The following TIGIT variants were observed in gnomAD, a reference collection of about 807,000 sequenced individuals.
TIGIT encodes the protein T-cell immunoreceptor with Ig and ITIM domains.
TIGIT carries 11 observed loss-of-function variants against 19.6 expected under a neutral mutation model. The observed-to-expected ratio is 0.56, with a 90% CI of 0.35 to 0.93. The LOEUF (loss-of-function observed/expected upper bound fraction) is 0.93. Ranked by LOEUF, TIGIT falls within the 40% of genes least tolerant of loss-of-function variation. The probability of loss-of-function intolerance (pLI) is 0.01; values close to 1 mark genes in which losing one functional copy is unlikely to be tolerated. For missense variants in TIGIT, 295 were observed against 303.9 expected (o/e 0.97, Z 0.22); for synonymous variants, 130 against 125.5 (o/e 1.04, Z -0.24).
chr3:114,307,835 T>A (rs1346172157), intron 3 of TIGIT, 60 bp from the exon 4 acceptor site: 2 of 1,463,180 alleles, frequency 1.4e-6, no homozygotes, highest in Non-Finnish European at 1.9e-6. Flanking sequence ...GATGTCATAT[T>A]GGGGATTAAC....
intron 2 of TIGIT, among the ~76,000 whole-genome samples, chr3:114,297,706 C>G (rs969697258): frequency 7.9e-5 from 12 of 152,178 alleles, no homozygotes; most frequent in African/African-American, 2.9e-4. Context: ...ACACTCCTCC[C>G]CAAGACCACA....
At position 114,308,250 on chromosome 3, in the gene TIGIT, T is replaced by C. The variant is rs2078549379; in HGVS notation, c.*119T>C. 1.3e-6 allele frequency: 1 copy of C among 752,582 alleles called. No individual in the cohort carries two copies. Among genetic ancestry groups the C allele is most frequent in the African/African-American group, 1.7e-5 (1 of 57,352 alleles). 46.6% of individuals were successfully genotyped at this position (752,582 alleles called of 1,614,324 possible). A position where few individuals can be genotyped will look rare whatever the true frequency, so the allele number is the denominator to read the frequency against. On this transcript the variant is annotated 3_prime_UTR_variant, in exon 4 of 4. Transcript: ENST00000383671. ...GTGTGTGTGTGTATGTGTGTGTGTG[T>C]TCAGTTGAGTGAATAAATGTCATCC...
intron 3 of TIGIT, among the ~76,000 whole-genome samples, chr3:114,306,329 A>C (rs1267629564): frequency 6.6e-6 from 1 of 152,156 alleles, no homozygotes; most frequent in Non-Finnish European, 1.5e-5. Context: ...TCCTTTGGAA[A>C]CACCCTCACA....
At chr3:114,298,910 G>T (rs1419700517) in intron 2 of TIGIT, among the ~76,000 whole-genome samples, 7 of 152,118 alleles carry the variant, frequency 4.6e-5, no homozygotes, top group African/African-American at 1.2e-4. Context: ...CATTCTTCTT[G>T]GGTCAGATCT....
Position 114,299,710 on chromosome 3 carries a change from G to A in TIGIT, c.498+7G>A. 2 of 1,595,324 alleles carry A rather than the reference G, an allele frequency of 1.3e-6. No homozygotes were observed. Among genetic ancestry groups the A allele is most frequent in the Non-Finnish European group, 1.7e-6 (2 of 1,165,780 alleles). On this transcript the variant is annotated splice_region_variant and intron_variant, in intron 3 of 3. Coordinates refer to ENST00000383671, the MANE Select transcript of TIGIT (RefSeq NM_173799.4). ...GGTCGCGTTGACTAGAAAGGTAATG[G>A]CTCCGGCTGCACACCGCAGTCATGG...
chr3:114,299,779 C>T (rs568117074), intron 3 of TIGIT, 76 bp downstream of exon 3: 221 of 936,342 alleles, frequency 2.4e-4, no homozygotes, highest in Non-Finnish European at 3.5e-4. Flanking sequence ...GTTCTCTTTC[C>T]ACCCAGAGAG....
At chr3:114,300,575 G>T (rs998637257) in intron 3 of TIGIT, among the ~76,000 whole-genome samples, 1 of 152,074 alleles carries the variant, frequency 6.6e-6, no homozygotes, top group African/African-American at 2.4e-5. Context: ...ATATAAAATG[G>T]GGATTTGTCT....
At position 114,295,604 on chromosome 3, in the gene TIGIT, A is replaced by G. The variant is rs1192629675; in HGVS notation, c.121A>G (p.Ile41Val). 1 of 1,614,212 alleles carries G rather than the reference A, an allele frequency of 6.2e-7. No homozygotes were observed. The highest frequency in any genetic ancestry group is 1.7e-5 in the Admixed American group (1 of 60,030). ...GNISAEKGGS[I>V]ILQCHLSSTT... The stretch of plus-strand genomic sequence containing the variant: ...CATTTCTGCAGAGAAAGGTGGCTCT[A>G]TCATCTTACAATGTCACCTCTCCTC... Residue 41 changes from isoleucine to valine, a missense_variant, in exon 2 of 4, where the codon ATC (isoleucine) becomes GTC (valine). Ile to Val is a conservative substitution (Grantham distance 29). Coordinates refer to ENST00000383671, the MANE Select transcript of TIGIT (RefSeq NM_173799.4).
At chr3:114,304,249 T>C (rs1166248358) in intron 3 of TIGIT, among the ~76,000 whole-genome samples, 2 of 152,228 alleles carry the variant, frequency 1.3e-5, no homozygotes, top group African/African-American at 4.8e-5. Flanking sequence ...ATATTACTTT[T>C]TAAAACTATT....
intron 2 of TIGIT, among the ~76,000 whole-genome samples, chr3:114,296,998 G>A (rs751911688): frequency 2.0e-4 from 29 of 148,288 alleles, no homozygotes; most frequent in Non-Finnish European, 2.8e-4. Context: ...GAGTTCAAGC[G>A]ATTCTCTCCT....
intron 2 of TIGIT, among the ~76,000 whole-genome samples, chr3:114,298,218 T>C (rs1320742378): frequency 6.6e-6 from 1 of 152,238 alleles, no homozygotes; most frequent in Non-Finnish European, 1.5e-5. Flanking sequence ...AAGACCTTGA[T>C]ATCTTTGTTC....
At chr3:114,295,515 G>T in intron 1 of TIGIT, 30 bp from the exon 2 acceptor site, 2 of 1,577,514 alleles carry the variant, frequency 1.3e-6, no homozygotes, top group South Asian at 1.2e-5. Context: ...GCTGACCCAG[G>T]ACTCACATGT....
At position 114,299,607 on chromosome 3, in the gene TIGIT, C is replaced by T. The variant is rs778828718; in HGVS notation, c.402C>T (p.His134=). Residue 134 remains histidine (H), a synonymous_variant, in exon 3 of 4, where the codon CAC becomes CAT. Coordinates refer to ENST00000383671, the MANE Select transcript of TIGIT (RefSeq NM_173799.4). The part of the protein sequence containing the change: ...LEVLESSVAE[H]GARFQIPLLG... ...TTGTCCTCCCTCTAGTGGCTGAGCA[C>T]GGTGCCAGGTTCCAGATTCCATTGC... The T allele has an allele frequency of 1.2e-5, 20 of 1,612,882 alleles. No individual in the cohort carries two copies. Among genetic ancestry groups the T allele is most frequent in the East Asian group, 8.9e-5 (4 of 44,878 alleles).
At chr3:114,301,480 G>C (rs151133497) in intron 3 of TIGIT, among the ~76,000 whole-genome samples, 7 of 152,240 alleles carry the variant, frequency 4.6e-5, no homozygotes, top group African/African-American at 1.4e-4. Flanking sequence ...AGGTGAAGAA[G>C]ATGAAAGTTG....
intron 3 of TIGIT, among the ~76,000 whole-genome samples, chr3:114,303,916 C>T (rs1359272589): frequency 2.0e-5 from 3 of 151,822 alleles, no homozygotes; most frequent in African/African-American, 4.9e-5. Flanking sequence ...ACATCCATGC[C>T]AACATGGGTT....
At position 114,295,762 on chromosome 3, in the gene TIGIT, C is replaced by T. The variant is rs1188076656; in HGVS notation, c.279C>T (p.Leu93=). Residue 93 remains leucine, a synonymous_variant, in exon 2 of 4, where the codon CTC becomes CTT. Coordinates refer to ENST00000383671, the MANE Select transcript of TIGIT (RefSeq NM_173799.4). The part of the protein sequence containing the change: ...DRVAPGPGLG[L]TLQSLTVNDT... ...TGGCCCCAGGTCCCGGCCTGGGCCT[C>T]ACCCTCCAGTCGCTGACCGTGAACG... 1.9e-6 allele frequency: 3 copies of T among 1,614,094 alleles called. No individual in the cohort carries two copies. The highest frequency in any genetic ancestry group is 2.5e-6 in the Non-Finnish European group (3 of 1,180,056).
In TIGIT at chr3:114,308,328, T is replaced by C. The variant is rs969867219; in HGVS notation, c.*197T>C. On this transcript the variant is annotated 3_prime_UTR_variant, in exon 4 of 4. Coordinates refer to ENST00000383671, the MANE Select transcript of TIGIT (RefSeq NM_173799.4). ...TTTCGTTCTATTCCATTTTGCATTA[T>C]GGCAGGCCTAGGGTGAGTAACGTGG... The C allele has an allele frequency of 1.8e-6, 1 of 568,290 alleles. No individual in the cohort carries two copies. The highest frequency in any genetic ancestry group is 3.1e-6 in the Non-Finnish European group (1 of 320,244). 35.2% of individuals were successfully genotyped at this position (568,290 alleles called of 1,614,324 possible). A position where few individuals can be genotyped will look rare whatever the true frequency, so the allele number is the denominator to read the frequency against.
Position 114,299,585 on chromosome 3 carries a change from T to C in TIGIT, c.392-12T>C. 1.2e-6 allele frequency: 2 copies of C among 1,604,302 alleles called. No individual in the cohort carries two copies. The highest frequency in any genetic ancestry group is 2.2e-5 in the South Asian group (2 of 90,892). On this transcript the variant is annotated splice_polypyrimidine_tract_variant and intron_variant, in intron 2 of 3. Coordinates refer to ENST00000383671, the MANE Select transcript of TIGIT (RefSeq NM_173799.4). Reference sequence around the variant, plus strand: ...GCTTCTGCCACTCATCTCTGTTTTGTCCTCCCTCTAGTGGCTGAGCACGGT... The same window carrying C: ...GCTTCTGCCACTCATCTCTGTTTTGCCCTCCCTCTAGTGGCTGAGCACGGT...
In TIGIT at chr3:114,308,218, C is replaced by CATGT; in HGVS notation, c.*87_*88insATGT. On this transcript the variant is annotated 3_prime_UTR_variant, in exon 4 of 4. Coordinates refer to ENST00000383671, the MANE Select transcript of TIGIT (RefSeq NM_173799.4). ...GCAGCTGTACTCTCCATCAGTGCTG[C>CATGT]GTGTGTGTGTGTGTGTGTATGTGTG... The CATGT allele has an allele frequency of 2.4e-6, 2 of 826,616 alleles. No individual in the cohort carries two copies. The highest frequency in any genetic ancestry group is 4.0e-6 in the Non-Finnish European group (2 of 499,090). 51.2% of individuals were successfully genotyped at this position (826,616 alleles called of 1,614,324 possible). A position where few individuals can be genotyped will look rare whatever the true frequency, so the allele number is the denominator to read the frequency against.
Sources: allele counts gnomAD v4.1 joint callset (sites outside exome capture counted in the v4.1 genomes callset), GRCh38; gene constraint gnomAD v4.1.1; transcripts MANE v1.5; gene names NCBI Gene and HGNC (gene_info 2026-07-23, HGNC 2026-07-21).